SYT1: variants seen among roughly 807,000 people sequenced by gnomAD.
The protein encoded by SYT1 is synaptotagmin 1.
A neutral mutation model predicts 44.8 loss-of-function variants in SYT1; 8 were observed. That is an observed-to-expected ratio of 0.18 (90% CI 0.10 to 0.32). SYT1 has a LOEUF of 0.32. Ranked by LOEUF, SYT1 falls within the 10% of genes least tolerant of loss-of-function variation. The pLI is 1.00. For missense variants in SYT1, 286 were observed against 509.3 expected, an observed-to-expected ratio of 0.56 and a Z score of 4.22; for synonymous variants, 154 against 188.8, an observed-to-expected ratio of 0.82 and a Z score of 1.51.
At chr12:78,876,264 T>A (rs1030109059) in intron 1 of SYT1, among the ~76,000 whole-genome samples, 2 of 151,498 alleles carry the variant, frequency 1.3e-5, no homozygotes, top group Non-Finnish European at 3.0e-5. Context: ...AACCTAAGTC[T>A]ACCTAGGTTG....
intron 1 of SYT1, among the ~76,000 whole-genome samples, chr12:78,931,160 GGAAA>G (rs1222980201): frequency 1.3e-4 from 15 of 118,104 alleles, no homozygotes; most frequent in African/African-American, 4.8e-4. Flanking sequence ...GAAAGTCTGT[GGAAA>G]GAAAGAAAGA....
intron 8 of SYT1, among the ~76,000 whole-genome samples, chr12:79,343,121 C>T (rs1045411709): frequency 6.6e-6 from 1 of 152,120 alleles, no homozygotes; most frequent in Non-Finnish European, 1.5e-5. Flanking sequence ...TCAATAAATT[C>T]TGCTGAAAGT....
intron 9 of SYT1, among the ~76,000 whole-genome samples, chr12:79,360,318 C>G (rs1021538906): frequency 6.6e-6 from 1 of 152,048 alleles, no homozygotes; most frequent in Admixed American, 6.6e-5. Flanking sequence ...AATACCTGGC[C>G]CACATGTCTA....
At chr12:79,443,700 G>A (rs567711025) in intron 9 of SYT1, among the ~76,000 whole-genome samples, 94 of 152,250 alleles carry the variant, frequency 6.2e-4, no homozygotes, top group Non-Finnish European at 1.1e-3. Context: ...AAGAGTGAAC[G>A]GTTAATTTTT....
At chr12:79,232,252 G>A (rs765589870) in intron 4 of SYT1, among the ~76,000 whole-genome samples, 11 of 152,192 alleles carry the variant, frequency 7.2e-5, no homozygotes, top group Non-Finnish European at 1.6e-4. Flanking sequence ...ATAGGAAGGA[G>A]TTAAATCAAA....
intron 3 of SYT1, among the ~76,000 whole-genome samples, chr12:79,169,509 G>T (rs1475495101): frequency 1.3e-5 from 2 of 151,950 alleles, no homozygotes; most frequent in Admixed American, 6.6e-5. Context: ...CCTATGACAT[G>T]TAGTGAGGCA....
intron 9 of SYT1, among the ~76,000 whole-genome samples, chr12:79,380,060 C>G (rs979614130): frequency 6.6e-6 from 1 of 152,062 alleles, no homozygotes; most frequent in Non-Finnish European, 1.5e-5. Context: ...TTTTTAGAAA[C>G]CTTCTTTTAG....
chr12:78,965,949 C>A (rs980870295), intron 1 of SYT1, among the ~76,000 whole-genome samples: 9 of 151,776 alleles, frequency 5.9e-5, no homozygotes, highest in African/African-American at 2.2e-4. Context: ...CGGTGGCAGG[C>A]GCCTGTAATC....
intron 3 of SYT1, among the ~76,000 whole-genome samples, chr12:79,103,708 C>T (rs565656929): frequency 6.8e-4 from 102 of 151,108 alleles, no homozygotes; most frequent in Admixed American, 2.1e-3. Context: ...ATGATGTGAC[C>T]TCTTAGTGTC....
chr12:79,131,273 A>G (rs999806094), intron 3 of SYT1, among the ~76,000 whole-genome samples: 2 of 152,144 alleles, frequency 1.3e-5, no homozygotes, highest in African/African-American at 2.4e-5. Context: ...CTTAATCTAT[A>G]AAGTTTTTTT....
At chr12:78,929,409 C>CAA (rs10646738) in intron 1 of SYT1, among the ~76,000 whole-genome samples, 731 of 43,782 alleles carry the variant, frequency 0.017, 339 homozygotes, top group African/African-American at 0.032. Flanking sequence ...GACTCCGTCC[C>CAA]AAAAAAAAAA....
intron 3 of SYT1, among the ~76,000 whole-genome samples, chr12:79,099,156 A>G (rs1453280420): frequency 6.6e-6 from 1 of 152,144 alleles, no homozygotes; most frequent in Non-Finnish European, 1.5e-5. Context: ...TGCAGCCAGA[A>G]GGTGAATTTT....
chr12:79,386,126 C>T (rs1018749568), intron 9 of SYT1, among the ~76,000 whole-genome samples: 11 of 152,036 alleles, frequency 7.2e-5, no homozygotes, highest in African/African-American at 2.7e-4. Flanking sequence ...GGTGCATTAC[C>T]CTGCTATTTT....
At chr12:79,121,578 C>G (rs1032012646) in intron 3 of SYT1, among the ~76,000 whole-genome samples, 2 of 152,168 alleles carry the variant, frequency 1.3e-5, no homozygotes, top group African/African-American at 4.8e-5. Flanking sequence ...GACTTGCTAA[C>G]CACAATCACC....
intron 4 of SYT1, among the ~76,000 whole-genome samples, chr12:79,239,313 C>T (rs1376323805): frequency 6.6e-6 from 1 of 152,132 alleles, no homozygotes; most frequent in Non-Finnish European, 1.5e-5. Context: ...CAGTACTTCT[C>T]AAAACTGTCA....
intron 4 of SYT1, among the ~76,000 whole-genome samples, chr12:79,258,866 C>T (rs1005547638): frequency 2.6e-5 from 4 of 152,046 alleles, no homozygotes; most frequent in Non-Finnish European, 2.9e-5. Flanking sequence ...TTAAAGAAGT[C>T]CATGAGGTAA....
chr12:79,240,408 T>C (rs1403317616), intron 4 of SYT1, among the ~76,000 whole-genome samples: 3 of 152,228 alleles, frequency 2.0e-5, no homozygotes, highest in Non-Finnish European at 4.4e-5. Flanking sequence ...TTTGCAGGGT[T>C]AGCAGCAGCA....
intron 6 of SYT1, among the ~76,000 whole-genome samples, chr12:79,293,197 G>T (rs372136898): frequency 6.7e-6 from 1 of 150,354 alleles, no homozygotes; most frequent in Non-Finnish European, 1.5e-5. Context: ...GGTGACAGGC[G>T]CCTGTAGTCC....
chr12:79,054,229 A>C (rs1565784264), intron 3 of SYT1, among the ~76,000 whole-genome samples: 1 of 152,028 alleles, frequency 6.6e-6, no homozygotes. Context: ...CAACTAGTGA[A>C]AGTAAGGCAT....
Sources: gnomAD v4.1 joint callset for allele counts (sites outside exome capture counted in the v4.1 genomes callset) on GRCh38, gnomAD v4.1.1 for gene constraint, MANE v1.5 for transcripts, NCBI Gene and HGNC (gene_info 2026-07-23, HGNC 2026-07-21) for gene names.